Variants in SLC2A11 observed in about 807,000 individuals in gnomAD.
The protein encoded by SLC2A11 is solute carrier family 2 member 11.
A neutral mutation model predicts 52.1 loss-of-function variants in SLC2A11; 43 were observed. The observed-to-expected ratio is 0.82, with a 90% CI of 0.65 to 1.06. The LOEUF is 1.06. SLC2A11 is among the 50% of genes least tolerant of loss of function. The pLI, the probability that SLC2A11 is intolerant of heterozygous loss-of-function variation, is 0.00. For missense variants in SLC2A11, 582 were observed against 654.2 expected (o/e 0.89, Z 1.20); for synonymous variants, 261 against 277.6 (o/e 0.94, Z 0.59).
rs2032675923 is a variant in SLC2A11 at position 23,877,881 on chromosome 22, T to C, written c.694+12T>C. 5 of 1,603,812 alleles carry C rather than the reference T, an allele frequency of 3.1e-6. No homozygotes were observed. Among genetic ancestry groups the C allele is most frequent in the Non-Finnish European group, 3.4e-6 (4 of 1,175,174 alleles). On this transcript the variant is annotated intron_variant, in intron 6 of 11. Transcript: ENST00000316185. Reference sequence around the variant, plus strand: ...GGCCTGCCTGGCAGGTGAGTCTCTGTCCTTGGGCTCCCAGACTGCCCTTGA... The same window carrying C: ...GGCCTGCCTGGCAGGTGAGTCTCTGCCCTTGGGCTCCCAGACTGCCCTTGA...
chr22:23,875,334 C>A, intron 4 of SLC2A11, 93 bp downstream of exon 4: 5 of 1,252,336 alleles, frequency 4.0e-6, no homozygotes, highest in Admixed American at 3.5e-5. Context: ...TTCATTTCCT[C>A]CCTTTATTCA....
intron 1 of SLC2A11, among the ~76,000 whole-genome samples, chr22:23,861,245 T>G (rs569037019): frequency 1.8e-5 from 2 of 110,764 alleles, no homozygotes; most frequent in South Asian, 5.9e-4. Flanking sequence ...CCCAAAGTGC[T>G]GGGATTACAG....
upstream of SLC2A11, chr22:23,857,216 G>C (rs1231383362): frequency 1.3e-6 from 1 of 750,184 alleles, no homozygotes; most frequent in Non-Finnish European, 2.2e-6. Context: ...CAGGGTTGCG[G>C]CTGAGGTCAG....
chr22:23,879,743 C>T (rs867472874), intron 6 of SLC2A11: 4 of 152,462 alleles, frequency 2.6e-5, no homozygotes, highest in African/African-American at 9.6e-5. Context: ...CCTCCTGTCT[C>T]AGCCTCCTGA....
intron 1 of SLC2A11, among the ~76,000 whole-genome samples, chr22:23,860,863 T>C (rs934622868): frequency 1.2e-5 from 1 of 83,384 alleles, no homozygotes; most frequent in African/African-American, 4.5e-5. Flanking sequence ...TTTTTTTTTT[T>C]GAGACGGAGT....
chr22:23,885,732 G>C lies in SLC2A11; in HGVS notation c.*883G>C, dbSNP rs2032977566. Reference sequence around the variant, plus strand: ...AAAAAAATAAATACAGGTTGTAGTGGGTATGGGTATGCATACCAGGAGGCC... The same window carrying C: ...AAAAAAATAAATACAGGTTGTAGTGCGTATGGGTATGCATACCAGGAGGCC... On this transcript the variant is annotated 3_prime_UTR_variant, in exon 12 of 12. Transcript: ENST00000316185. 1 of 151,926 alleles carries C rather than the reference G, an allele frequency of 6.6e-6. No homozygotes were observed. 9.4% of individuals were successfully genotyped at this position (151,926 alleles called of 1,614,324 possible).
chr22:23,868,178 C>A (rs2032330868), intron 2 of SLC2A11: 1 of 437,374 alleles, frequency 2.3e-6, no homozygotes, highest in South Asian at 3.3e-5. Context: ...AATATCCACA[C>A]ATTTGCTGTC....
chr22:23,857,078 G>T (rs868240295), upstream of SLC2A11: 1,267 of 1,226,690 alleles, frequency 1.0e-3, 30 homozygotes, highest in African/African-American at 3.5e-3. Context: ...GTGTGTGGGG[G>T]GGGGGGGGTG....
rs1349877723 is a variant in SLC2A11 at position 23,877,182 on chromosome 22, C to G, written c.545+11C>G. 3 of 1,603,784 alleles carry G rather than the reference C, an allele frequency of 1.9e-6. No homozygotes were observed. The highest frequency in any genetic ancestry group is 2.6e-6 in the Non-Finnish European group (3 of 1,174,584). Reference sequence around the variant, plus strand: ...GGTGGTCGGACTCAGGTAAGCACCCCTCCCCCACATGCATTGAGTATTTCG... The same window carrying G: ...GGTGGTCGGACTCAGGTAAGCACCCGTCCCCCACATGCATTGAGTATTTCG... On this transcript the variant is annotated intron_variant, in intron 5 of 11. Transcript: ENST00000316185.
At chr22:23,857,868 C>G, upstream of SLC2A11, 5 of 1,536,242 alleles carry the variant, frequency 3.3e-6, no homozygotes, top group Middle Eastern at 2.3e-4. Flanking sequence ...TGCGCGTGCG[C>G]TAGCGCCTCT....
chr22:23,857,261 C>A, upstream of SLC2A11: 1 of 752,424 alleles, frequency 1.3e-6, no homozygotes, highest in Non-Finnish European at 2.2e-6. Context: ...GACATTTAGT[C>A]CAGAGACTGT....
chr22:23,868,378 C>A, intron 2 of SLC2A11, 103 bp from the exon 3 acceptor site: 2 of 1,413,350 alleles, frequency 1.4e-6, no homozygotes, highest in Admixed American at 1.9e-5. Context: ...GTTGTCATTG[C>A]CTGTTCTGCA....
At chr22:23,857,737 G>A, upstream of SLC2A11, 1 of 1,293,758 alleles carries the variant, frequency 7.7e-7, no homozygotes, top group Non-Finnish European at 1.0e-6. Context: ...TGAGTCTCAG[G>A]CCTTAGTCCC....
intron 2 of SLC2A11, 135 bp from the exon 3 acceptor site, chr22:23,868,346 G>T: frequency 9.4e-7 from 1 of 1,059,446 alleles, no homozygotes; most frequent in Non-Finnish European, 1.4e-6. Flanking sequence ...GCTCCAGGGG[G>T]AGCTCAGAAG....
Position 23,882,533 on chromosome 22 carries a change from C to G in SLC2A11, c.769C>G (p.Gln257Glu). The G allele has an allele frequency of 6.2e-7, 1 of 1,605,478 alleles. No individual in the cohort carries two copies. The highest frequency in any genetic ancestry group is 2.3e-5 in the East Asian group (1 of 44,382). The change falls in exon 7 of 12, where the codon CAG (glutamine) becomes GAG (glutamate). Residue 257 changes from glutamine (Q) to glutamate (E), a missense_variant. Transcript: ENST00000316185. ...GCTGGAGGAGGAGCGCGCTGCCTGC[C>G]AGGGCTGCCGTGCCCGGCGCCCATG... ...EELEEERAAC[Q>E]GCRARRPWEL... is the part of the protein sequence containing the mutation.
In SLC2A11 at chr22:23,857,964, G is replaced by A; in HGVS notation, c.-36G>A. The A allele has an allele frequency of 6.3e-7, 1 of 1,591,008 alleles. No homozygotes were observed. Among genetic ancestry groups the A allele is most frequent in the Admixed American group, 1.7e-5 (1 of 57,838 alleles). On this transcript the variant is annotated 5_prime_UTR_variant, in exon 1 of 12. Transcript: ENST00000316185. ...TGCTAATGGCAGCCGGGGTCTCCCT[G>A]GGACAGCAAGACCTCCGCTCAGGCC... is the stretch of plus-strand genomic sequence containing the variant.
At chr22:23,858,138 G>A in intron 1 of SLC2A11, 109 bp downstream of exon 1, 3 of 1,437,420 alleles carry the variant, frequency 2.1e-6, no homozygotes, top group Non-Finnish European at 2.9e-6. Context: ...GTCGTCAAAT[G>A]TTCAAAAATA....
At chr22:23,861,047 G>A (rs993371625) in intron 1 of SLC2A11, among the ~76,000 whole-genome samples, 17 of 151,674 alleles carry the variant, frequency 1.1e-4, no homozygotes, top group Admixed American at 3.3e-4. Flanking sequence ...GGATTTCACC[G>A]TGTTAGCCAG....
At chr22:23,882,381 A>ATGGAGGGGGGCGTCCC in intron 6 of SLC2A11, 78 bp from the exon 7 acceptor site, 13 of 1,284,278 alleles carry the variant, frequency 1.0e-5, no homozygotes, top group Non-Finnish European at 1.4e-5. Context: ...GAATGGTGGG[A>ATGGAGGGGGGCGTCCC]TGGAGGGGGG....
Sources: gnomAD v4.1 joint callset for allele counts (sites outside exome capture counted in the v4.1 genomes callset) on GRCh38, gnomAD v4.1.1 for gene constraint, MANE v1.5 for transcripts, NCBI Gene and HGNC (gene_info 2026-07-23, HGNC 2026-07-21) for gene names.